Variants in DZIP1 observed in about 807,000 individuals in gnomAD.
DZIP1 encodes cilium assembly protein DZIP1.
Under a neutral mutation model 107.6 loss-of-function variants are expected in DZIP1, and 97 were observed. The ratio of observed to expected loss-of-function variants is 0.90; its 90% CI spans 0.77 to 1.07. The LOEUF is 1.07. Among genes scored for constraint, DZIP1 ranks in the 50% least tolerant of loss-of-function variants. The pLI, the probability that DZIP1 is intolerant of heterozygous loss-of-function variation, is 0.00. For missense variants in DZIP1, 1,035 were observed against 1,063.6 expected, an observed-to-expected ratio of 0.97 and a Z score of 0.37; for synonymous variants, 390 against 386.4, an observed-to-expected ratio of 1.01 and a Z score of -0.11.
At chr13:95,585,865 C>T (rs1266178739) in intron 21 of DZIP1, 141 bp downstream of exon 21, 1 of 780,284 alleles carries the variant, frequency 1.3e-6, no homozygotes, top group Non-Finnish European at 1.9e-6. Context: ...AAATGCAATA[C>T]TGAGAACAAG....
At chr13:95,603,919 G>C (rs530723984) in intron 14 of DZIP1, among the ~76,000 whole-genome samples, 1 of 152,356 alleles carries the variant, frequency 6.6e-6, no homozygotes, top group African/African-American at 2.4e-5. Context: ...GCAGCTCACA[G>C]TGGAGTCCCT....
In DZIP1 at chr13:95,578,538, T is replaced by C. The variant is rs1367369599; in HGVS notation, c.*3696A>G. ...ATTCTACAACATTTATTTAAAAAGG[T>C]AAATCTTTTTGTTGAAGCAGCAAGT... On this transcript the variant is annotated 3_prime_UTR_variant, in exon 23 of 23. Transcript: ENST00000376829. 1 of 152,208 alleles carries C rather than the reference T, an allele frequency of 6.6e-6. No homozygotes were observed. The highest frequency in any genetic ancestry group is 1.5e-5 in the Non-Finnish European group (1 of 68,058). 9.4% of individuals were successfully genotyped at this position (152,208 alleles called of 1,614,324 possible).
chr13:95,633,789 A>G lies in DZIP1; in HGVS notation c.598-468T>C, dbSNP rs111533574. Among the ~76,000 whole-genome samples, 1,381 of 152,008 alleles carry G rather than the reference A, an allele frequency of 9.1e-3. 24 individuals carry two copies. Among genetic ancestry groups the G allele is most frequent in the African/African-American group, 0.032 (1,320 of 41,460 alleles). ...GAGATACTGAAAGCATGACTAATAG[A>G]CGAGACATGAAACCAGGCTGGGTGC... is the stretch of plus-strand genomic sequence containing the variant. On this transcript the variant is annotated intron_variant, in intron 5 of 22. Coordinates refer to ENST00000376829, the MANE Select transcript of DZIP1 (RefSeq NM_198968.4).
In DZIP1 at chr13:95,589,208, C is replaced by A. The variant is rs764752198; in HGVS notation, c.1974-1G>T. 1.3e-6 allele frequency: 2 copies of A among 1,589,274 alleles called. No individual in the cohort carries two copies. The highest frequency in any genetic ancestry group is 3.5e-5 in the Admixed American group (2 of 57,262). On this transcript the variant is annotated splice_acceptor_variant, in intron 18 of 22. Coordinates refer to ENST00000376829, the MANE Select transcript of DZIP1 (RefSeq NM_198968.4). LOFTEE classifies it high-confidence loss of function. ...ATCTTCCATGACATTTTTCTTAATT[C>A]TAAAAAAACAACAGAAAAATATTTT...
intron 14 of DZIP1, among the ~76,000 whole-genome samples, chr13:95,605,160 T>C (rs764865314): frequency 3.9e-5 from 6 of 152,192 alleles, no homozygotes; most frequent in Admixed American, 6.5e-5. Context: ...GATCACAATA[T>C]CTATGAAGAC....
At chr13:95,618,026 C>T in intron 10 of DZIP1, 2 of 519,010 alleles carry the variant, frequency 3.9e-6, no homozygotes, top group Non-Finnish European at 7.7e-6. Context: ...TTGAGAAGCC[C>T]ATGGAGATGT....
At chr13:95,599,571 G>T in intron 14 of DZIP1, 147 bp from the exon 15 acceptor site, 1 of 671,036 alleles carries the variant, frequency 1.5e-6, no homozygotes, top group South Asian at 1.9e-5. Context: ...AAACGTTGAG[G>T]CAATCAGTCA....
chr13:95,630,872 G>C (rs1877114315), intron 6 of DZIP1: 6 of 529,660 alleles, frequency 1.1e-5, no homozygotes, highest in Non-Finnish European at 1.9e-5. Flanking sequence ...GTATGAGTTA[G>C]AATAAGATAC....
chr13:95,611,553 G>T, intron 11 of DZIP1, 60 bp from the exon 12 acceptor site: 1 of 1,286,206 alleles, frequency 7.8e-7, no homozygotes, highest in Non-Finnish European at 1.1e-6. Flanking sequence ...CACACACATG[G>T]GATAATGGAC....
chr13:95,641,720 AGAAG>A lies in DZIP1; in HGVS notation c.168_171del (p.Phe57SerfsTer15). ...CTCTCCAGCCGCGGCCTGAACTGGA[AGAAG>A]GGCAGGGGCCCCGAAGCCGCGCTGG... On this transcript the variant is annotated frameshift_variant, in exon 5 of 23. Transcript: ENST00000376829. LOFTEE classifies it high-confidence loss of function. The surrounding 1 kb of genome is among the most constrained non-coding windows in gnomAD (Gnocchi z 4.3). 1 of 1,599,978 alleles carries A rather than the reference AGAAG, an allele frequency of 6.3e-7. No individual in the cohort carries two copies. Among genetic ancestry groups the A allele is most frequent in the African/African-American group, 1.3e-5 (1 of 75,024 alleles).
At chr13:95,584,085 T>C (rs1015544357) in intron 22 of DZIP1, among the ~76,000 whole-genome samples, 2 of 151,986 alleles carry the variant, frequency 1.3e-5, no homozygotes, top group African/African-American at 4.8e-5. Context: ...CAAGCAATTC[T>C]CCTGCCTTAG....
rs1259645191 is a variant in DZIP1, at chr13:95,584,914, A to G, written c.2350-4T>C. 2 of 1,607,176 alleles carry G rather than the reference A, an allele frequency of 1.2e-6. No homozygotes were observed. The highest frequency in any genetic ancestry group is 2.2e-5 in the East Asian group (1 of 44,810). ...CTTCATCCTCCACATCCGCACACTA[A>G]AAGAAAGGCATGGAGAATAATTAAT... On this transcript the variant is annotated splice_polypyrimidine_tract_variant and splice_region_variant and intron_variant, in intron 21 of 22. Transcript: ENST00000376829.
chr13:95,588,557 T>C (rs1272722204), intron 19 of DZIP1, among the ~76,000 whole-genome samples: 1 of 152,230 alleles, frequency 6.6e-6, no homozygotes, highest in African/African-American at 2.4e-5. Flanking sequence ...CCATTTAATT[T>C]GTAGAACTAT....
Position 95,589,137 on chromosome 13 carries a change from T to C in DZIP1, c.2027+17A>G. On this transcript the variant is annotated intron_variant, in intron 19 of 22. Transcript: ENST00000376829. ...AATAATTTTTTAAATGACCCTCCCA[T>C]CCCTGTCAATACTCACGTAATAGTT... is the stretch of plus-strand genomic sequence containing the variant. 6.3e-7 allele frequency: 1 copy of C among 1,599,504 alleles called. No individual in the cohort carries two copies. The highest frequency in any genetic ancestry group is 8.5e-7 in the Non-Finnish European group (1 of 1,172,334).
chr13:95,590,772 CT>C (rs1158007366), intron 16 of DZIP1, among the ~76,000 whole-genome samples: 6 of 152,190 alleles, frequency 3.9e-5, no homozygotes, highest in African/African-American at 1.4e-4. Context: ...GGAGGCTGAG[CT>C]GTGGCCTGAA....
chr13:95,582,755 G>A (rs1268679479), intron 22 of DZIP1, among the ~76,000 whole-genome samples: 2 of 152,304 alleles, frequency 1.3e-5, no homozygotes, highest in East Asian at 1.9e-4. Context: ...GATTAACAAC[G>A]AAGTCAATTT....
At chr13:95,589,524 G>T (rs1230246226) in intron 18 of DZIP1, among the ~76,000 whole-genome samples, 1 of 152,160 alleles carries the variant, frequency 6.6e-6, no homozygotes, top group East Asian at 1.9e-4. Flanking sequence ...GTGGATGGGG[G>T]CCCCCATGAT....
chr13:95,625,011 A>G, intron 7 of DZIP1, 82 bp from the exon 8 acceptor site: 2 of 1,266,672 alleles, frequency 1.6e-6, no homozygotes, highest in Non-Finnish European at 1.1e-6. Context: ...TCATAGCATC[A>G]CTTCAAAAAT....
chr13:95,607,995 T>C (rs1420893213), intron 13 of DZIP1, among the ~76,000 whole-genome samples: 1 of 152,250 alleles, frequency 6.6e-6, no homozygotes, highest in Non-Finnish European at 1.5e-5. Context: ...TGTGATTTAC[T>C]TTCTGATCTT....
Sources: allele counts gnomAD v4.1 joint callset (sites outside exome capture counted in the v4.1 genomes callset), GRCh38; gene constraint gnomAD v4.1.1; non-coding constraint Gnocchi (gnomAD v3.1); transcripts MANE v1.5; gene names NCBI Gene and HGNC (gene_info 2026-07-23, HGNC 2026-07-21).